Variants in SLC24A2 observed in about 807,000 individuals in gnomAD.
SLC24A2 encodes the protein sodium/potassium/calcium exchanger 2.
In SLC24A2, 36 loss-of-function variants were observed where a neutral mutation model predicts 62.0. That is an observed-to-expected ratio of 0.58 (90% CI 0.44 to 0.77). The LOEUF (loss-of-function observed/expected upper bound fraction) is 0.77, where lower values mean the gene tolerates loss of function less well. Among genes scored for constraint, SLC24A2 ranks in the 30% least tolerant of loss-of-function variants. The pLI, the probability that SLC24A2 is intolerant of heterozygous loss-of-function variation, is 0.00. For missense variants in SLC24A2, 846 were observed against 817.9 expected, an observed-to-expected ratio of 1.03 and a Z score of -0.42; for synonymous variants, 358 against 294.0, an observed-to-expected ratio of 1.22 and a Z score of -2.23.
intron 2 of SLC24A2, among the ~76,000 whole-genome samples, chr9:19,683,061 C>A: frequency 6.6e-6 from 1 of 151,994 alleles, no homozygotes; most frequent in East Asian, 1.9e-4. Context: ...TCATTCCTAG[C>A]ATAATGCTGA....
At chr9:19,950,711 G>A in the SLC24A2 span, among the ~76,000 whole-genome samples, 3 of 152,290 alleles carry the variant, frequency 2.0e-5, no homozygotes, top group Admixed American at 6.5e-5. Context: ...ATATTCTACT[G>A]CAAGTGTGGG....
chr9:20,042,591 C>T, the SLC24A2 span, among the ~76,000 whole-genome samples: 1 of 152,186 alleles, frequency 6.6e-6, no homozygotes, highest in African/African-American at 2.4e-5. Context: ...TGCTAAGGGA[C>T]ATGTTCATTT....
chr9:20,170,960 G>C, the SLC24A2 span, among the ~76,000 whole-genome samples: 1 of 151,978 alleles, frequency 6.6e-6, no homozygotes. Context: ...CTTAAGAGCT[G>C]TGAGACAAAA....
the SLC24A2 span, among the ~76,000 whole-genome samples, chr9:19,877,143 T>C: frequency 6.6e-6 from 1 of 151,450 alleles, no homozygotes; most frequent in Non-Finnish European, 1.5e-5. Context: ...GAGGGAAAAG[T>C]GATGTTCCTC....
chr9:20,248,645 G>A, the SLC24A2 span, among the ~76,000 whole-genome samples: 4 of 152,048 alleles, frequency 2.6e-5, no homozygotes, highest in Non-Finnish European at 5.9e-5. Flanking sequence ...ATCGCATTGG[G>A]GATTTAGACT....
the SLC24A2 span, among the ~76,000 whole-genome samples, chr9:20,239,877 C>T: frequency 1.7e-3 from 246 of 144,048 alleles, 2 homozygotes; most frequent in African/African-American, 4.9e-3. Flanking sequence ...TGCCTTCTGG[C>T]TTTTTTTTTT....
chr9:19,675,177 G>T (rs1219477397), intron 2 of SLC24A2, among the ~76,000 whole-genome samples: 1 of 152,126 alleles, frequency 6.6e-6, no homozygotes, highest in African/African-American at 2.4e-5. Context: ...CTGGTACTGG[G>T]GGTGTCTGCA....
intron 5 of SLC24A2, among the ~76,000 whole-genome samples, chr9:19,593,557 C>A (rs1000385106): frequency 6.6e-6 from 1 of 152,108 alleles, no homozygotes; most frequent in East Asian, 1.9e-4. Flanking sequence ...ATTAAAATAA[C>A]CTTTTCATGG....
intron 7 of SLC24A2, among the ~76,000 whole-genome samples, chr9:19,560,184 G>A (rs534367233): frequency 6.6e-6 from 1 of 152,292 alleles, no homozygotes; most frequent in South Asian, 2.1e-4. Context: ...GAGTCTGGAA[G>A]AAGAAAAACC....
chr9:19,795,987 T>A, the SLC24A2 span, among the ~76,000 whole-genome samples: 1 of 151,864 alleles, frequency 6.6e-6, no homozygotes. Flanking sequence ...TGGATGAAGC[T>A]GGAAACCATC....
chr9:20,253,235 T>G, the SLC24A2 span, among the ~76,000 whole-genome samples: 1 of 152,230 alleles, frequency 6.6e-6, no homozygotes, highest in African/African-American at 2.4e-5. Context: ...GCCTGCTATA[T>G]GATCTTAGTA....
chr9:19,611,208 G>C (rs1224772056), intron 4 of SLC24A2, among the ~76,000 whole-genome samples: 1 of 152,110 alleles, frequency 6.6e-6, no homozygotes, highest in Admixed American at 6.6e-5. Flanking sequence ...TGAGGCAGGA[G>C]TGTGCTTGGG....
intron 2 of SLC24A2, among the ~76,000 whole-genome samples, chr9:19,681,585 G>T (rs998369250): frequency 2.0e-5 from 3 of 152,150 alleles, no homozygotes; most frequent in Non-Finnish European, 4.4e-5. Flanking sequence ...ACCACCCACG[G>T]TCCTGTGGAG....
intron 2 of SLC24A2, among the ~76,000 whole-genome samples, chr9:19,726,890 TC>T (rs1256521195): frequency 6.6e-6 from 1 of 152,204 alleles, no homozygotes; most frequent in African/African-American, 2.4e-5. Flanking sequence ...TAATGAATGC[TC>T]CTGGGTACAT....
chr9:20,027,751 C>G, the SLC24A2 span, among the ~76,000 whole-genome samples: 1 of 152,064 alleles, frequency 6.6e-6, no homozygotes, highest in East Asian at 1.9e-4. Context: ...AAAGTGACTA[C>G]AGATAATGAC....
At chr9:20,257,618 T>G in the SLC24A2 span, among the ~76,000 whole-genome samples, 1 of 152,208 alleles carries the variant, frequency 6.6e-6, no homozygotes, top group African/African-American at 2.4e-5. Context: ...GAGTAGAGTT[T>G]GAATCCCAGA....
At chr9:19,933,763 C>G in the SLC24A2 span, among the ~76,000 whole-genome samples, 40 of 152,308 alleles carry the variant, frequency 2.6e-4, 1 homozygote, top group South Asian at 6.8e-3. Context: ...TGTGGTATAT[C>G]CATACAATGC....
the SLC24A2 span, among the ~76,000 whole-genome samples, chr9:20,049,826 C>T: frequency 6.6e-6 from 1 of 152,032 alleles, no homozygotes; most frequent in African/African-American, 2.4e-5. Flanking sequence ...AAGCTAGAAA[C>T]GCACTGCATC....
At chr9:20,079,115 A>G in the SLC24A2 span, among the ~76,000 whole-genome samples, 1 of 145,214 alleles carries the variant, frequency 6.9e-6, no homozygotes, top group East Asian at 2.1e-4. Flanking sequence ...AATTGTCCTT[A>G]CAGCAGCCAG....
Sources: allele counts gnomAD v4.1 joint callset (sites outside exome capture counted in the v4.1 genomes callset), GRCh38; gene constraint gnomAD v4.1.1; transcripts MANE v1.5; gene names NCBI Gene and HGNC (gene_info 2026-07-23, HGNC 2026-07-21).